Variants in PPP2R5E observed in about 807,000 individuals in gnomAD.
The protein encoded by PPP2R5E is serine/threonine-protein phosphatase 2A 56 kDa regulatory subunit epsilon isoform.
Under a neutral mutation model 65.3 loss-of-function variants are expected in PPP2R5E, and 4 were observed. That is an observed-to-expected ratio of 0.06 (90% CI 0.03 to 0.14). PPP2R5E has a LOEUF of 0.14. Ranked by LOEUF, PPP2R5E falls within the 10% of genes least tolerant of loss-of-function variation. The pLI, the probability that PPP2R5E is intolerant of heterozygous loss-of-function variation, is 1.00. For synonymous variants in PPP2R5E, 183 were observed against 187.4 expected (o/e 0.98, Z 0.19); for missense variants, 274 against 556.1 (o/e 0.49, Z 5.10).
At chr14:63,507,682 C>T (rs1288316045) in intron 2 of PPP2R5E, among the ~76,000 whole-genome samples, 3 of 150,492 alleles carry the variant, frequency 2.0e-5, no homozygotes, top group Admixed American at 6.6e-5. Flanking sequence ...CAGGTTCACA[C>T]CATTCTCCTG....
rs558475440 is a variant in PPP2R5E at position 63,379,826 on chromosome 14, C to CTT, written c.1304+2228_1304+2229dup. Among the ~76,000 whole-genome samples, 416 of 100,248 alleles carry CTT rather than the reference C, an allele frequency of 4.1e-3. 6 individuals carry two copies. The highest frequency in any genetic ancestry group is 5.9e-3 in the Middle Eastern group (1 of 170). 65.8% of individuals were successfully genotyped at this position (100,248 alleles called of 152,430 possible). ...TAAGTTGTTCTTCAATATTCTCTCT[C>CTT]TTTTTTTTTTTTTTTTTTTTTTTTT... is the stretch of plus-strand genomic sequence containing the variant. On this transcript the variant is annotated intron_variant, in intron 13 of 13. Transcript: ENST00000337537.
chr14:63,391,610 A>G (rs1368485522), intron 10 of PPP2R5E, among the ~76,000 whole-genome samples: 1 of 152,002 alleles, frequency 6.6e-6, no homozygotes, highest in Non-Finnish European at 1.5e-5. Flanking sequence ...TTTAGTAGAG[A>G]TAGGGTTTCT....
At chr14:63,431,683 C>T (rs952797982) in intron 3 of PPP2R5E, among the ~76,000 whole-genome samples, 1 of 152,168 alleles carries the variant, frequency 6.6e-6, no homozygotes, top group Non-Finnish European at 1.5e-5. Context: ...GAACCAATGA[C>T]AGGGTGCATT....
rs1001319432 is a variant in PPP2R5E, at chr14:63,482,926, C to T, written c.158-29041G>A. 5.9e-5 allele frequency among the ~76,000 whole-genome samples: 9 copies of T among 152,074 alleles called. No individual in the cohort carries two copies. In the South Asian group the frequency reaches 8.3e-4, roughly 14 times the overall value. On this transcript the variant is annotated intron_variant, in intron 2 of 13. Transcript: ENST00000337537. ...ACACTGTTCTAGGTACCGACAATACCGCAGTGAACAAAAGTGACAAAGATT... is the reference window on the plus strand; with the variant it reads ...ACACTGTTCTAGGTACCGACAATACTGCAGTGAACAAAAGTGACAAAGATT...
At chr14:63,420,591 C>T (rs1385273749) in intron 4 of PPP2R5E, among the ~76,000 whole-genome samples, 2 of 152,144 alleles carry the variant, frequency 1.3e-5, no homozygotes, top group East Asian at 1.9e-4. Context: ...AAGCTCTCTA[C>T]GTAACAACGG....
intron 13 of PPP2R5E, among the ~76,000 whole-genome samples, chr14:63,380,086 A>G (rs2139739324): frequency 6.6e-6 from 1 of 151,132 alleles, no homozygotes; most frequent in Admixed American, 6.6e-5. Flanking sequence ...CGCCCGCCTC[A>G]GCCTCCCAAA....
At chr14:63,414,003 A>C (rs1256729295) in intron 5 of PPP2R5E, among the ~76,000 whole-genome samples, 3 of 152,196 alleles carry the variant, frequency 2.0e-5, no homozygotes. Context: ...CTGAGCTGAC[A>C]TCTGAACTTT....
At chr14:63,398,260 T>C (rs554270763) in intron 5 of PPP2R5E, among the ~76,000 whole-genome samples, 1 of 152,210 alleles carries the variant, frequency 6.6e-6, no homozygotes, top group African/African-American at 2.4e-5. Context: ...AAAATTCATA[T>C]GGAAATGCAA....
chr14:63,470,390 T>C (rs1259554585), intron 2 of PPP2R5E, among the ~76,000 whole-genome samples: 1 of 131,966 alleles, frequency 7.6e-6, no homozygotes, highest in African/African-American at 3.7e-5. Context: ...TCCCTACTTA[T>C]AGCCCAGTTC....
intron 2 of PPP2R5E, among the ~76,000 whole-genome samples, chr14:63,523,744 A>T (rs1893070853): frequency 9.8e-6 from 1 of 101,828 alleles, no homozygotes; most frequent in Non-Finnish European, 2.0e-5. Flanking sequence ...GTTACACGCT[A>T]AAAAAAAAAA....
chr14:63,462,015 T>C (rs1889499543), intron 2 of PPP2R5E, among the ~76,000 whole-genome samples: 1 of 152,148 alleles, frequency 6.6e-6, no homozygotes, highest in Non-Finnish European at 1.5e-5. Context: ...TTCCAATACT[T>C]TTCTAGAAGC....
At chr14:63,512,319 G>T (rs1892498244) in intron 2 of PPP2R5E, among the ~76,000 whole-genome samples, 1 of 152,132 alleles carries the variant, frequency 6.6e-6, no homozygotes, top group Non-Finnish European at 1.5e-5. Flanking sequence ...AGCAGATACA[G>T]ATAGATGGGT....
At chr14:63,377,226 T>C (rs750684679) in intron 13 of PPP2R5E, among the ~76,000 whole-genome samples, 5 of 151,644 alleles carry the variant, frequency 3.3e-5, no homozygotes, top group Non-Finnish European at 5.9e-5. Flanking sequence ...TTCCTGAAAA[T>C]GGGGGCTCCA....
intron 2 of PPP2R5E, among the ~76,000 whole-genome samples, chr14:63,508,756 A>G (rs1057154066): frequency 1.3e-5 from 2 of 152,164 alleles, no homozygotes; most frequent in African/African-American, 4.8e-5. Flanking sequence ...CCCTCTTTCC[A>G]CTAAATATTT....
intron 13 of PPP2R5E, among the ~76,000 whole-genome samples, chr14:63,377,159 T>TAA (rs559232238): frequency 6.7e-5 from 9 of 133,720 alleles, no homozygotes; most frequent in East Asian, 2.1e-4. Context: ...CAAAAAAAAA[T>TAA]AAAAAAAAAA....
intron 5 of PPP2R5E, among the ~76,000 whole-genome samples, chr14:63,413,469 A>G (rs971974117): frequency 3.3e-5 from 5 of 152,332 alleles, no homozygotes; most frequent in Non-Finnish European, 7.4e-5. Context: ...CATGATGGAC[A>G]GAAATCCAGA....
intron 2 of PPP2R5E, among the ~76,000 whole-genome samples, chr14:63,461,220 G>A (rs1302668534): frequency 2.0e-5 from 3 of 152,228 alleles, no homozygotes; most frequent in Non-Finnish European, 4.4e-5. Context: ...TTTTGAATAT[G>A]AGGAATTCCT....
intron 2 of PPP2R5E, among the ~76,000 whole-genome samples, chr14:63,505,817 C>G (rs1892143468): frequency 6.6e-6 from 1 of 152,154 alleles, no homozygotes. Flanking sequence ...GTAGACACAG[C>G]ACCTGCCTCC....
At chr14:63,485,413 T>C (rs1346978347) in intron 2 of PPP2R5E, among the ~76,000 whole-genome samples, 1 of 151,998 alleles carries the variant, frequency 6.6e-6, no homozygotes, top group Non-Finnish European at 1.5e-5. Flanking sequence ...TTTTTGTTCG[T>C]TTTTTGGGGG....
Sources: gnomAD v4.1 joint callset for allele counts (sites outside exome capture counted in the v4.1 genomes callset) on GRCh38, gnomAD v4.1.1 for gene constraint, MANE v1.5 for transcripts, NCBI Gene and HGNC (gene_info 2026-07-23, HGNC 2026-07-21) for gene names.